MICAL2: variants seen among roughly 807,000 people sequenced by gnomAD.
The protein encoded by MICAL2 is [F-actin]-monooxygenase MICAL2.
A neutral mutation model predicts 127.3 loss-of-function variants in MICAL2; 77 were observed. The observed-to-expected ratio is 0.60, with a 90% CI of 0.50 to 0.73. The LOEUF (loss-of-function observed/expected upper bound fraction) is 0.73. MICAL2 is among the 30% of genes least tolerant of loss of function. The pLI is 0.00. For synonymous variants in MICAL2, 570 were observed against 551.1 expected, an observed-to-expected ratio of 1.03 and a Z score of -0.48; for missense variants, 1,351 against 1,434.4, an observed-to-expected ratio of 0.94 and a Z score of 0.94.
At chr11:12,147,446 T>A (rs997686205) in intron 2 of MICAL2, among the ~76,000 whole-genome samples, 1 of 152,204 alleles carries the variant, frequency 6.6e-6, no homozygotes, top group South Asian at 2.1e-4. Context: ...AATACCATAA[T>A]ACAGAAAGCT....
intron 2 of MICAL2, among the ~76,000 whole-genome samples, chr11:12,156,177 G>A (rs2133762789): frequency 6.6e-6 from 1 of 152,358 alleles, no homozygotes; most frequent in South Asian, 2.1e-4. Context: ...AAAGGGGGAA[G>A]GTCTGGGCCC....
intron 3 of MICAL2, among the ~76,000 whole-genome samples, chr11:12,189,047 G>C (rs1167826953): frequency 6.6e-6 from 1 of 152,090 alleles, no homozygotes; most frequent in East Asian, 1.9e-4. Flanking sequence ...TTCAGTCTTA[G>C]AGCACAGTAT....
At chr11:12,221,818 G>A (rs979327144) in intron 10 of MICAL2, 59 bp downstream of exon 10, 24 of 1,390,716 alleles carry the variant, frequency 1.7e-5, no homozygotes, top group East Asian at 2.3e-5. Flanking sequence ...AGGAAAGGGG[G>A]CAAGATCACC....
At chr11:12,186,547 A>AT (rs35982816) in intron 3 of MICAL2, among the ~76,000 whole-genome samples, 16 of 151,040 alleles carry the variant, frequency 1.1e-4, no homozygotes, top group African/African-American at 1.7e-4. Flanking sequence ...TTAAAAAAAG[A>AT]TTTTTTTTTT....
intron 1 of MICAL2, among the ~76,000 whole-genome samples, chr11:12,135,135 T>G (rs922253367): frequency 2.0e-5 from 3 of 152,190 alleles, no homozygotes; most frequent in Non-Finnish European, 4.4e-5. Context: ...GAGCCCACCT[T>G]GAGTCCTATA....
intron 2 of MICAL2, among the ~76,000 whole-genome samples, chr11:12,149,598 G>T (rs555550246): frequency 6.6e-6 from 1 of 152,278 alleles, no homozygotes; most frequent in South Asian, 2.1e-4. Flanking sequence ...TTGGTGACTG[G>T]CTGGCTCTGC....
intron 3 of MICAL2, among the ~76,000 whole-genome samples, chr11:12,164,028 A>AAG (rs1855170016): frequency 6.6e-6 from 1 of 152,192 alleles, no homozygotes; most frequent in African/African-American, 2.4e-5. Flanking sequence ...TGGTGATCTG[A>AAG]AGACAGATTG....
chr11:12,139,048 C>G (rs1307998588), intron 2 of MICAL2, among the ~76,000 whole-genome samples: 2 of 152,122 alleles, frequency 1.3e-5, no homozygotes, highest in Non-Finnish European at 2.9e-5. Context: ...GTTTCTGTAA[C>G]CTTATAATTA....
chr11:12,271,755 A>G (rs1463941036), upstream of MICAL2, among the ~76,000 whole-genome samples: 1 of 152,176 alleles, frequency 6.6e-6, no homozygotes, highest in African/African-American at 2.4e-5. Flanking sequence ...GGAAGTAGCC[A>G]CTTGACTGGA....
chr11:12,214,481 T>C (rs955733817), intron 7 of MICAL2, among the ~76,000 whole-genome samples: 3 of 152,222 alleles, frequency 2.0e-5, no homozygotes, highest in Non-Finnish European at 2.9e-5. Context: ...ACATCATCCT[T>C]CTGGTGGTCA....
At chr11:12,258,729 C>T (rs974248541) in intron 25 of MICAL2, among the ~76,000 whole-genome samples, 173 bp downstream of exon 25, 1 of 152,232 alleles carries the variant, frequency 6.6e-6, no homozygotes, top group East Asian at 1.9e-4. Context: ...TCAGTCTGTT[C>T]CACAGCCTCT....
chr11:12,154,919 G>GT (rs1223437519), intron 2 of MICAL2, among the ~76,000 whole-genome samples: 1 of 152,174 alleles, frequency 6.6e-6, no homozygotes. Flanking sequence ...GGATTTCAAA[G>GT]TGAAATGGCC....
At chr11:12,220,518 C>G (rs1856695958) in intron 9 of MICAL2, 60 bp downstream of exon 9, 4 of 1,572,480 alleles carry the variant, frequency 2.5e-6, no homozygotes, top group Non-Finnish European at 3.4e-6. Context: ...CGTTTGTATT[C>G]TGGCAGGCAG....
downstream of MICAL2, among the ~76,000 whole-genome samples, chr11:12,292,650 A>G (rs188736749): frequency 1.6e-3 from 247 of 152,348 alleles, no homozygotes; most frequent in African/African-American, 5.6e-3. Flanking sequence ...GATGGCAGGC[A>G]CAGAAGTGAG....
intron 1 of MICAL2, among the ~76,000 whole-genome samples, chr11:12,114,747 A>G (rs943724487): frequency 2.0e-5 from 3 of 152,156 alleles, no homozygotes; most frequent in African/African-American, 7.2e-5. Flanking sequence ...TAAAAAAATG[A>G]CTTGCTTACG....
At chr11:12,230,718 C>CCA (rs1554991864) in intron 15 of MICAL2, among the ~76,000 whole-genome samples, 2 of 151,442 alleles carry the variant, frequency 1.3e-5, no homozygotes, top group African/African-American at 2.4e-5. Context: ...CTTCTTTCCC[C>CCA]CCCCATCTTA....
intron 25 of MICAL2, among the ~76,000 whole-genome samples, chr11:12,259,420 T>A (rs757577753): frequency 4.4e-4 from 67 of 152,248 alleles, no homozygotes; most frequent in Non-Finnish European, 8.4e-4. Context: ...TGGTCAATAA[T>A]TTACTTCACC....
rs768182926 is a variant in MICAL2, at chr11:12,358,384, G to A, written c.5779G>A (p.Asp1927Asn). The change falls in exon 35 of 35, where the codon GAT becomes AAT. Residue 1927 changes from aspartate (D) to asparagine (N), a missense_variant. By Grantham distance (23) the Asp-to-Asn change is conservative. Coordinates refer to the MICAL2 transcript ENST00000646065. Reference sequence around the variant, plus strand: ...GATTGAGCAAAGGGACAAACTCGTCGATTCCTTAGAGGAACAACGCATCAG... The same window carrying A: ...GATTGAGCAAAGGGACAAACTCGTCAATTCCTTAGAGGAACAACGCATCAG... 1.6e-5 allele frequency: 26 copies of A among 1,613,994 alleles called. No homozygotes were observed. Among genetic ancestry groups the A allele is most frequent in the East Asian group, 1.3e-4 (6 of 44,884 alleles).
chr11:12,235,357 C>A (rs1419143986), intron 15 of MICAL2, among the ~76,000 whole-genome samples: 1 of 152,138 alleles, frequency 6.6e-6, no homozygotes, highest in Non-Finnish European at 1.5e-5. Context: ...TTCTGGATTT[C>A]AATGCCCAGA....
Sources: gnomAD v4.1 joint callset for allele counts (sites outside exome capture counted in the v4.1 genomes callset) on GRCh38, gnomAD v4.1.1 for gene constraint, MANE v1.5 for transcripts, NCBI Gene and HGNC (gene_info 2026-07-23, HGNC 2026-07-21) for gene names.